The following ATXN1 variants were observed in gnomAD, a reference collection of about 807,000 sequenced individuals.
The protein encoded by ATXN1 is ataxin 1.
In ATXN1, 8 loss-of-function variants were observed where a neutral mutation model predicts 56.4. The observed-to-expected ratio is 0.14, with a 90% CI of 0.08 to 0.26. The LOEUF (loss-of-function observed/expected upper bound fraction) is 0.26. ATXN1 is among the 10% of genes least tolerant of loss of function. The pLI is 1.00. For synonymous variants in ATXN1, 514 were observed against 494.6 expected (o/e 1.04, Z -0.52); for missense variants, 987 against 1,106.5 (o/e 0.89, Z 1.53).
intron 6 of ATXN1, among the ~76,000 whole-genome samples, chr6:16,366,103 C>T (rs1761913245): frequency 6.6e-6 from 1 of 152,146 alleles, no homozygotes; most frequent in Non-Finnish European, 1.5e-5. Context: ...AAGAAACAAT[C>T]TTGGATGTTT....
rs189941900 is a variant in ATXN1 at position 16,566,234 on chromosome 6, A to G, written c.-361+19546T>C. On this transcript the variant is annotated intron_variant, in intron 4 of 7. Transcript: ENST00000436367. The stretch of plus-strand genomic sequence containing the variant: ...TAATGACTTATAATCTACAATTAAC[A>G]TTTCATGTTTTTGCATCCAGATATA... Among the ~76,000 whole-genome samples the G allele has an allele frequency of 2.2e-3, 333 of 152,300 alleles. 1 individual carries two copies. The highest frequency in any genetic ancestry group is 3.4e-3 in the Non-Finnish European group (230 of 68,018).
In ATXN1 at chr6:16,395,739, C is replaced by T. The variant is rs529725097; in HGVS notation, c.-160-67269G>A. ...TACCTATAAGAAATTAACTGTAGGC[C>T]GGGCGCAGTGGCTCATGCCTGTAAT... On this transcript the variant is annotated intron_variant, in intron 6 of 7. Transcript: ENST00000436367. Among the ~76,000 whole-genome samples the T allele has an allele frequency of 3.9e-5, 6 of 151,944 alleles. No individual in the cohort carries two copies. The East Asian group carries it at 5.8e-4, about 15-fold the overall frequency.
intron 6 of ATXN1, among the ~76,000 whole-genome samples, chr6:16,381,300 G>T (rs899028673): frequency 6.6e-6 from 1 of 152,078 alleles, no homozygotes; most frequent in African/African-American, 2.4e-5. Context: ...AAAAAAGGGG[G>T]AAATGTGGAC....
At chr6:16,662,659 C>A (rs1019424584) in intron 2 of ATXN1, among the ~76,000 whole-genome samples, 50 of 152,190 alleles carry the variant, frequency 3.3e-4, no homozygotes, top group Admixed American at 3.3e-3. Context: ...TAACCTGCCA[C>A]ATAGCTCTAC....
At chr6:16,658,212 T>C (rs991309684) in intron 2 of ATXN1, among the ~76,000 whole-genome samples, 31 of 152,104 alleles carry the variant, frequency 2.0e-4, no homozygotes, top group East Asian at 1.9e-4. Flanking sequence ...AGTTTACCGA[T>C]TGAAAGATGT....
chr6:16,494,758 A>C (rs1295049970), intron 5 of ATXN1, among the ~76,000 whole-genome samples: 1 of 152,244 alleles, frequency 6.6e-6, no homozygotes. Flanking sequence ...GAGCAGCTGT[A>C]GAACGACGTC....
chr6:16,611,131 A>G (rs1763099011), intron 3 of ATXN1, among the ~76,000 whole-genome samples: 1 of 152,230 alleles, frequency 6.6e-6, no homozygotes, highest in Non-Finnish European at 1.5e-5. Context: ...AAGAAAAGTT[A>G]CATAATATTT....
intron 3 of ATXN1, among the ~76,000 whole-genome samples, chr6:16,609,962 C>T (rs924529526): frequency 6.6e-6 from 1 of 151,830 alleles, no homozygotes; most frequent in East Asian, 1.9e-4. Context: ...TTTTCAATGA[C>T]TGATTTTCCA....
At chr6:16,568,652 A>G (rs1306047845) in intron 4 of ATXN1, among the ~76,000 whole-genome samples, 2 of 121,746 alleles carry the variant, frequency 1.6e-5, no homozygotes, top group African/African-American at 5.0e-5. Context: ...CGGTACCTGG[A>G]AACAACCAAA....
intron 6 of ATXN1, among the ~76,000 whole-genome samples, chr6:16,484,838 T>C (rs1452374149): frequency 6.6e-6 from 1 of 152,128 alleles, no homozygotes; most frequent in Admixed American, 6.5e-5. Flanking sequence ...CCCTGATATA[T>C]GCTACACTTT....
At chr6:16,555,992 T>C (rs1445952068) in intron 4 of ATXN1, among the ~76,000 whole-genome samples, 1 of 152,238 alleles carries the variant, frequency 6.6e-6, no homozygotes, top group East Asian at 1.9e-4. Flanking sequence ...CAAAACATTC[T>C]TTTTTCTTTA....
intron 3 of ATXN1, among the ~76,000 whole-genome samples, chr6:16,606,949 C>G (rs1238356789): frequency 1.4e-5 from 2 of 144,006 alleles, no homozygotes; most frequent in Non-Finnish European, 3.0e-5. Flanking sequence ...TACAATGGTG[C>G]GATCTTGGCT....
chr6:16,572,998 A>G (rs944861524), intron 4 of ATXN1, among the ~76,000 whole-genome samples: 2 of 152,178 alleles, frequency 1.3e-5, no homozygotes, highest in Non-Finnish European at 2.9e-5. Flanking sequence ...TCAAGAGGAC[A>G]GAAGTGTCAG....
rs575981668 is a variant in ATXN1 at position 16,613,389 on chromosome 6, A to G, written c.-488-27482T>C. 1.5e-3 allele frequency among the ~76,000 whole-genome samples: 225 copies of G among 151,976 alleles called. 1 individual carries two copies. Among genetic ancestry groups the G allele is most frequent in the African/African-American group, 5.0e-3 (208 of 41,540 alleles). On this transcript the variant is annotated intron_variant, in intron 3 of 7. Coordinates refer to ENST00000436367, the MANE Select transcript of ATXN1 (RefSeq NM_001128164.2). ...TACAAAATGTTTTAAAATATATACA[A>G]AAATAAGATTGACTTACTGCTAGCT...
intron 2 of ATXN1, among the ~76,000 whole-genome samples, chr6:16,724,260 A>G (rs1469233100): frequency 6.6e-6 from 1 of 152,250 alleles, no homozygotes; most frequent in African/African-American, 2.4e-5. Context: ...CCAGTCCTTC[A>G]GTATGAATCG....
chr6:16,390,926 C>T (rs752915669), intron 6 of ATXN1, among the ~76,000 whole-genome samples: 22 of 152,026 alleles, frequency 1.4e-4, no homozygotes, highest in Middle Eastern at 3.4e-3. Flanking sequence ...TTTGGGAGGC[C>T]GAGGCAGGTG....
chr6:16,570,856 G>A (rs1047844812), intron 4 of ATXN1, among the ~76,000 whole-genome samples: 1 of 152,132 alleles, frequency 6.6e-6, no homozygotes, highest in African/African-American at 2.4e-5. Flanking sequence ...CTTGCTCCTT[G>A]CACAGCGATT....
At chr6:16,560,736 T>C (rs1762101234) in intron 4 of ATXN1, among the ~76,000 whole-genome samples, 1 of 152,218 alleles carries the variant, frequency 6.6e-6, no homozygotes, top group East Asian at 1.9e-4. Context: ...CACAACTTTT[T>C]TGATTCCCTT....
Position 16,326,908 on chromosome 6 carries a change from T to G in ATXN1, c.1403A>C (p.Gln468Pro). Residue 468 changes from glutamine (Q) to proline (P), a missense_variant, in exon 7 of 8, where the codon CAG (glutamine) becomes CCG (proline). Transcript: ENST00000436367. The surrounding 1 kb of genome is among the most constrained non-coding windows in gnomAD (Gnocchi z 6.6). Reference protein sequence around the residue: ...QPPVIGYLSGQQQAITYAGSL... With the variant: ...QPPVIGYLSGPQQAITYAGSL... ...GCCGGCGTAGGTGATTGCTTGCTGCTGGCCGCTCAGGTAGCCGATGACAGG... is the reference window on the plus strand; with the variant it reads ...GCCGGCGTAGGTGATTGCTTGCTGCGGGCCGCTCAGGTAGCCGATGACAGG... 2 of 1,613,450 alleles carry G rather than the reference T, an allele frequency of 1.2e-6. No homozygotes were observed. Among genetic ancestry groups the G allele is most frequent in the Non-Finnish European group, 8.5e-7 (1 of 1,179,588 alleles).
Sources: gnomAD v4.1 joint callset for allele counts (sites outside exome capture counted in the v4.1 genomes callset) on GRCh38, gnomAD v4.1.1 for gene constraint, Gnocchi (gnomAD v3.1) non-coding constraint, MANE v1.5 for transcripts, NCBI Gene and HGNC (gene_info 2026-07-23, HGNC 2026-07-21) for gene names.